GPC6: variants seen among roughly 807,000 people sequenced by gnomAD.
GPC6 encodes the protein glypican 6.
In GPC6, 14 loss-of-function variants were observed where a neutral mutation model predicts 55.2. That is an observed-to-expected ratio of 0.25 (90% CI 0.17 to 0.40). GPC6 has a LOEUF of 0.40. GPC6 is among the 10% of genes least tolerant of loss of function. The pLI, the probability that GPC6 is intolerant of heterozygous loss-of-function variation, is 1.00. For synonymous variants in GPC6, 278 were observed against 259.6 expected (o/e 1.07, Z -0.68); for missense variants, 641 against 708.5 (o/e 0.90, Z 1.08).
chr13:94,141,997 C>CGT (rs144672639), intron 4 of GPC6, among the ~76,000 whole-genome samples: 22 of 149,318 alleles, frequency 1.5e-4, no homozygotes, highest in Admixed American at 2.7e-4. Context: ...TTTTTTTTTC[C>CGT]GTGTGTGTGT....
chr13:93,511,695 A>G (rs1326363694), intron 1 of GPC6, among the ~76,000 whole-genome samples: 2 of 151,990 alleles, frequency 1.3e-5, no homozygotes, highest in Admixed American at 6.6e-5. Context: ...CGTTTTTTCT[A>G]ATTCTATGAA....
intron 3 of GPC6, among the ~76,000 whole-genome samples, chr13:93,917,209 G>T (rs1046045566): frequency 6.6e-6 from 1 of 152,136 alleles, no homozygotes; most frequent in Admixed American, 6.5e-5. Context: ...TCAAAAACAA[G>T]TCATGGCAGG....
chr13:93,873,217 G>A (rs1235029046), intron 3 of GPC6, among the ~76,000 whole-genome samples: 2 of 151,666 alleles, frequency 1.3e-5, no homozygotes, highest in African/African-American at 4.8e-5. Context: ...AGGATTTTCT[G>A]TTAGAAAGCT....
rs1216575483 is a variant in GPC6, at chr13:94,389,134, G to A, written c.1289+6584G>A. Among the ~76,000 whole-genome samples, 6 of 152,164 alleles carry A rather than the reference G, an allele frequency of 3.9e-5. No individual in the cohort carries two copies. In the South Asian group the frequency reaches 6.2e-4, roughly 16 times the overall value. On this transcript the variant is annotated intron_variant, in intron 7 of 8. Transcript: ENST00000377047. ...CACAGCAACATTCTGACTCCACTCA[G>A]ACAAATAGGAACTGAAAGGAAGCTA...
intron 2 of GPC6, among the ~76,000 whole-genome samples, chr13:93,805,921 A>G (rs1323109731): frequency 6.6e-6 from 1 of 152,174 alleles, no homozygotes; most frequent in East Asian, 1.9e-4. Flanking sequence ...ATAAGTCCTC[A>G]TTTAGCCCTT....
intron 1 of GPC6, among the ~76,000 whole-genome samples, chr13:93,276,966 T>C (rs1877776707): frequency 6.6e-6 from 1 of 152,204 alleles, no homozygotes; most frequent in Non-Finnish European, 1.5e-5. Context: ...CGACAGTTTT[T>C]GAGGCAGTAG....
In GPC6 at chr13:93,823,053, CAG is replaced by C. The variant is rs537000171; in HGVS notation, c.320-7100_320-7099del. 4.6e-3 allele frequency among the ~76,000 whole-genome samples: 699 copies of C among 151,538 alleles called. 7 individuals carry two copies. The highest frequency in any genetic ancestry group is 0.016 in the African/African-American group (671 of 41,330). ...TAATTTTTTGTATTTTTAGTAGAGA[CAG>C]GGTTTCACCGTGTTAGCCAGGACGG... On this transcript the variant is annotated intron_variant, in intron 2 of 8. Transcript: ENST00000377047.
intron 1 of GPC6, among the ~76,000 whole-genome samples, chr13:93,393,127 TAGAG>T (rs144440794): frequency 0.049 from 4,238 of 87,230 alleles, 70 homozygotes; most frequent in South Asian, 0.078. Context: ...TATATATATA[TAGAG>T]AGAGAGAGAG....
intron 1 of GPC6, among the ~76,000 whole-genome samples, chr13:93,347,125 T>C (rs552908255): frequency 6.6e-6 from 1 of 152,300 alleles, no homozygotes; most frequent in East Asian, 1.9e-4. Flanking sequence ...TACAGAAGCA[T>C]CAAACTGAAC....
chr13:93,801,394 G>A (rs1435120698), intron 2 of GPC6, among the ~76,000 whole-genome samples: 1 of 152,208 alleles, frequency 6.6e-6, no homozygotes, highest in African/African-American at 2.4e-5. Flanking sequence ...TGACAGTGGT[G>A]ATAGGGAGTG....
At chr13:93,271,522 T>A (rs1255551979) in intron 1 of GPC6, among the ~76,000 whole-genome samples, 2 of 152,092 alleles carry the variant, frequency 1.3e-5, no homozygotes, top group Non-Finnish European at 2.9e-5. Flanking sequence ...GATACAGCTT[T>A]AGAGTATAGA....
chr13:93,858,893 C>T (rs1888716833), intron 3 of GPC6, among the ~76,000 whole-genome samples: 1 of 151,346 alleles, frequency 6.6e-6, no homozygotes, highest in African/African-American at 2.4e-5. Context: ...TTGAAGCTAA[C>T]TTCAAAGTAG....
chr13:93,407,877 G>C (rs1485698882), intron 1 of GPC6, among the ~76,000 whole-genome samples: 1 of 152,026 alleles, frequency 6.6e-6, no homozygotes, highest in Non-Finnish European at 1.5e-5. Flanking sequence ...AACTGCAAAG[G>C]GTGGTAAACA....
chr13:93,808,945 G>C (rs1886618409), intron 2 of GPC6, among the ~76,000 whole-genome samples: 1 of 152,180 alleles, frequency 6.6e-6, no homozygotes, highest in South Asian at 2.1e-4. Context: ...GATGATGGCG[G>C]CTCCATCAGA....
At chr13:93,910,126 T>C (rs1212568198) in intron 3 of GPC6, among the ~76,000 whole-genome samples, 2 of 152,074 alleles carry the variant, frequency 1.3e-5, no homozygotes, top group East Asian at 1.9e-4. Context: ...CACCCAAATA[T>C]CATCTTGAAT....
chr13:94,237,323 C>T (rs900427612), intron 4 of GPC6, among the ~76,000 whole-genome samples: 3 of 152,090 alleles, frequency 2.0e-5, no homozygotes, highest in African/African-American at 7.2e-5. Flanking sequence ...TTTCTCCATC[C>T]TTCCCTTCCT....
chr13:94,184,489 G>A (rs1412469893), intron 4 of GPC6, among the ~76,000 whole-genome samples: 2 of 151,986 alleles, frequency 1.3e-5, no homozygotes, highest in Non-Finnish European at 2.9e-5. Context: ...GGACATAACA[G>A]ATACTTCTCA....
chr13:93,957,473 G>T (rs1192445476), intron 3 of GPC6, among the ~76,000 whole-genome samples: 1 of 152,116 alleles, frequency 6.6e-6, no homozygotes, highest in South Asian at 2.1e-4. Flanking sequence ...AGAACATGAG[G>T]TATTTGGCTT....
intron 3 of GPC6, among the ~76,000 whole-genome samples, chr13:93,854,069 A>G (rs1888514033): frequency 6.6e-6 from 1 of 151,680 alleles, no homozygotes; most frequent in Non-Finnish European, 1.5e-5. Context: ...AATAAAGAGG[A>G]AATCATTCAT....
Sources: allele counts gnomAD v4.1 joint callset (sites outside exome capture counted in the v4.1 genomes callset), GRCh38; gene constraint gnomAD v4.1.1; transcripts MANE v1.5; gene names NCBI Gene and HGNC (gene_info 2026-07-23, HGNC 2026-07-21).